The following DENND5A variants were observed in gnomAD, a reference collection of about 807,000 sequenced individuals.
DENND5A encodes DENN domain containing 5A, also known as DENN domain-containing protein 5A.
In DENND5A, 64 loss-of-function variants were observed where a neutral mutation model predicts 140.3. The ratio of observed to expected loss-of-function variants is 0.46; its 90% CI spans 0.37 to 0.56. The LOEUF is 0.56. Ranked by LOEUF, DENND5A falls within the 20% of genes least tolerant of loss-of-function variation. The pLI is 0.00. For missense variants in DENND5A, 1,292 were observed against 1,593.8 expected, an observed-to-expected ratio of 0.81 and a Z score of 3.22; for synonymous variants, 605 against 607.7, an observed-to-expected ratio of 1.00 and a Z score of 0.07.
intron 1 of DENND5A, among the ~76,000 whole-genome samples, chr11:9,261,033 A>G (rs1174401068): frequency 8.4e-5 from 1 of 11,926 alleles, no homozygotes; most frequent in African/African-American, 9.2e-5. Flanking sequence ...TACTTTCTGT[A>G]GAGATAAGAG....
At chr11:9,140,798 T>C (rs774778468) in intron 22 of DENND5A, among the ~76,000 whole-genome samples, 1 of 152,220 alleles carries the variant, frequency 6.6e-6, no homozygotes, top group Non-Finnish European at 1.5e-5. Flanking sequence ...CTCAAAACCT[T>C]CTTCCATGCT....
chr11:9,171,356 G>C (rs1848367405), intron 8 of DENND5A: 1 of 152,874 alleles, frequency 6.5e-6, no homozygotes, highest in South Asian at 2.1e-4. Context: ...ATCACTCATG[G>C]GGCACTGAGT....
intron 1 of DENND5A, among the ~76,000 whole-genome samples, chr11:9,209,881 G>A (rs1849816684): frequency 6.6e-6 from 1 of 152,018 alleles, no homozygotes; most frequent in African/African-American, 2.4e-5. Context: ...TAAGGTGGGT[G>A]GATCACTTGA....
In DENND5A at chr11:9,150,168, T is replaced by C; in HGVS notation, c.2648A>G (p.Lys883Arg). Residue 883 changes from lysine to arginine, a missense_variant, in exon 15 of 23, where the codon AAG becomes AGG. By Grantham distance (26) the Lys-to-Arg change is conservative. Coordinates refer to ENST00000328194, the MANE Select transcript of DENND5A (RefSeq NM_015213.4). Reference protein sequence around the residue: ...NIGEIKTDVGKARAWVRLSME... With the variant: ...NIGEIKTDVGRARAWVRLSME... Reference sequence around the variant, plus strand: ...GGACAGTCGCACCCATGCTCTGGCCTTTCCCACATCAGTCTTGATTTCCCC... The same window carrying C: ...GGACAGTCGCACCCATGCTCTGGCCCTTCCCACATCAGTCTTGATTTCCCC... 6.2e-7 allele frequency: 1 copy of C among 1,613,942 alleles called. No individual in the cohort carries two copies. Among genetic ancestry groups the C allele is most frequent in the Non-Finnish European group, 8.5e-7 (1 of 1,179,854 alleles).
chr11:9,142,324 T>C (rs1181894311), intron 21 of DENND5A, among the ~76,000 whole-genome samples: 3 of 152,228 alleles, frequency 2.0e-5, no homozygotes, highest in African/African-American at 7.2e-5. Flanking sequence ...TATAAAGATG[T>C]TCTTTTCCCT....
At chr11:9,173,064 G>C (rs988348728) in intron 8 of DENND5A, among the ~76,000 whole-genome samples, 1 of 151,624 alleles carries the variant, frequency 6.6e-6, no homozygotes, top group Non-Finnish European at 1.5e-5. Context: ...GACCTCAAGT[G>C]TTCTGCCCAC....
At chr11:9,205,487 A>C (rs1370506658) in intron 3 of DENND5A, among the ~76,000 whole-genome samples, 2 of 152,218 alleles carry the variant, frequency 1.3e-5, no homozygotes, top group Admixed American at 6.5e-5. Flanking sequence ...GAGGCTCTCA[A>C]AGACAGTTTC....
At chr11:9,259,949 A>G (rs866357715) in intron 1 of DENND5A, among the ~76,000 whole-genome samples, 3 of 149,444 alleles carry the variant, frequency 2.0e-5, no homozygotes, top group Middle Eastern at 3.4e-3. Context: ...AATCACTTGA[A>G]CCAGACAGGC....
intron 10 of DENND5A, 82 bp downstream of exon 10, chr11:9,169,774 G>C: frequency 1.1e-6 from 1 of 924,650 alleles, no homozygotes; most frequent in Non-Finnish European, 1.8e-6. Flanking sequence ...GTTTGAATCA[G>C]ACCAGAGAAC....
intron 1 of DENND5A, among the ~76,000 whole-genome samples, chr11:9,230,552 CTTG>C (rs1444329833): frequency 6.6e-6 from 1 of 152,058 alleles, no homozygotes; most frequent in East Asian, 1.9e-4. Flanking sequence ...ATGCTTTCTT[CTTG>C]TTAATTTGTC....
rs77627607 is a variant in DENND5A, at chr11:9,243,158, G to T, written c.109+21803C>A. On this transcript the variant is annotated intron_variant, in intron 1 of 22. Coordinates refer to ENST00000328194, the MANE Select transcript of DENND5A (RefSeq NM_015213.4). ...TAATTGGAATAACTGCTCTTCTGGAGACTAACTCAATGACTTTGGCCTCAT... is the reference window on the plus strand; with the variant it reads ...TAATTGGAATAACTGCTCTTCTGGATACTAACTCAATGACTTTGGCCTCAT... Among the ~76,000 whole-genome samples the T allele has an allele frequency of 9.5e-3, 1,405 of 148,486 alleles. 27 individuals carry two copies. The highest frequency in any genetic ancestry group is 0.033 in the African/African-American group (1,334 of 40,064).
At chr11:9,225,815 T>C (rs1590301716) in intron 1 of DENND5A, among the ~76,000 whole-genome samples, 1 of 151,986 alleles carries the variant, frequency 6.6e-6, no homozygotes. Flanking sequence ...CCAGGTGCCG[T>C]GGTTCATGCC....
At chr11:9,165,063 G>A (rs935431191) in intron 11 of DENND5A, among the ~76,000 whole-genome samples, 24 of 151,608 alleles carry the variant, frequency 1.6e-4, no homozygotes, top group Admixed American at 2.6e-4. Flanking sequence ...GCAATGGCGC[G>A]ATCTCGGCTC....
chr11:9,196,021 C>T (rs762951511), intron 4 of DENND5A, among the ~76,000 whole-genome samples: 2 of 152,160 alleles, frequency 1.3e-5, no homozygotes, highest in African/African-American at 2.4e-5. Flanking sequence ...GGCGCAATCT[C>T]GGCTCACTGC....
chr11:9,162,550 T>C (rs1848023697), intron 11 of DENND5A, among the ~76,000 whole-genome samples: 1 of 152,080 alleles, frequency 6.6e-6, no homozygotes, highest in Non-Finnish European at 1.5e-5. Flanking sequence ...GTATTTTATT[T>C]ATAAATACTG....
chr11:9,189,864 TC>T (rs1398971160), intron 5 of DENND5A, among the ~76,000 whole-genome samples: 3 of 152,280 alleles, frequency 2.0e-5, no homozygotes, highest in Middle Eastern at 3.4e-3. Flanking sequence ...GGTCTTGAAC[TC>T]CCGACCTCAG....
At chr11:9,188,133 C>A (rs962697127) in intron 5 of DENND5A, among the ~76,000 whole-genome samples, 5 of 152,132 alleles carry the variant, frequency 3.3e-5, no homozygotes, top group African/African-American at 1.2e-4. Context: ...TGAATCATGG[C>A]GGCAGGTCTT....
chr11:9,188,342 C>T (rs188349309), intron 5 of DENND5A, among the ~76,000 whole-genome samples: 1 of 152,272 alleles, frequency 6.6e-6, no homozygotes, highest in Non-Finnish European at 1.5e-5. Context: ...TTTTTCTTCC[C>T]ACTCTCAGGT....
chr11:9,237,058 A>G (rs1851033997), intron 1 of DENND5A, among the ~76,000 whole-genome samples: 1 of 152,220 alleles, frequency 6.6e-6, no homozygotes, highest in Non-Finnish European at 1.5e-5. Context: ...CAATTCATAG[A>G]ATAAACAAAT....
Sources: allele counts gnomAD v4.1 joint callset (sites outside exome capture counted in the v4.1 genomes callset), GRCh38; gene constraint gnomAD v4.1.1; transcripts MANE v1.5; gene names NCBI Gene and HGNC (gene_info 2026-07-23, HGNC 2026-07-21).